GRM7: variants seen among roughly 807,000 people sequenced by gnomAD.
GRM7 encodes the protein metabotropic glutamate receptor 7.
In GRM7, 35 loss-of-function variants were observed where a neutral mutation model predicts 84.5. The ratio of observed to expected loss-of-function variants is 0.41; its 90% CI spans 0.32 to 0.55. The LOEUF (loss-of-function observed/expected upper bound fraction) is 0.55, where lower values mean the gene tolerates loss of function less well. GRM7 is among the 20% of genes least tolerant of loss of function. The pLI is 0.19. For missense variants in GRM7, 1,003 were observed against 1,194.6 expected (o/e 0.84, Z 2.36); for synonymous variants, 487 against 455.1 (o/e 1.07, Z -0.89).
chr3:7,604,043 C>A (rs1696446292), intron 8 of GRM7, among the ~76,000 whole-genome samples: 1 of 151,212 alleles, frequency 6.6e-6, no homozygotes, highest in East Asian at 1.9e-4. Context: ...ACTTATTTTT[C>A]ATTACTGTAA....
chr3:7,652,960 A>G (rs1699013857), intron 8 of GRM7, among the ~76,000 whole-genome samples: 1 of 151,948 alleles, frequency 6.6e-6, no homozygotes, highest in Non-Finnish European at 1.5e-5. Flanking sequence ...TTCAGGCTGA[A>G]CTCACCATCC....
chr3:7,290,521 T>C (rs754481859), intron 2 of GRM7, among the ~76,000 whole-genome samples: 3 of 152,176 alleles, frequency 2.0e-5, no homozygotes, highest in Admixed American at 6.5e-5. Flanking sequence ...GGCTGAAAGA[T>C]ATGATGGATT....
At chr3:7,731,481 C>G (rs1490212084) in intron 9 of GRM7, among the ~76,000 whole-genome samples, 2 of 152,218 alleles carry the variant, frequency 1.3e-5, no homozygotes, top group Non-Finnish European at 2.9e-5. Context: ...CAACCCCCAT[C>G]TTGTCTTTCC....
rs558302619 is a variant in GRM7, at chr3:7,569,825, C to A, written c.1516-8597C>A. Among the ~76,000 whole-genome samples the A allele has an allele frequency of 9.8e-4, 149 of 152,244 alleles. 2 individuals carry two copies. The South Asian group carries it at 0.029, about 30-fold the overall frequency. On this transcript the variant is annotated intron_variant, in intron 7 of 9. Transcript: ENST00000357716. The stretch of plus-strand genomic sequence containing the variant: ...TGAGCCCGTGAGACCACAAACCCCA[C>A]CAGAAGGAAGAAACTCTGAACACAT...
At chr3:7,168,675 T>C (rs1449951284) in intron 2 of GRM7, among the ~76,000 whole-genome samples, 1 of 152,198 alleles carries the variant, frequency 6.6e-6, no homozygotes, top group African/African-American at 2.4e-5. Context: ...TTCCTGTTAA[T>C]ATAATCTAAA....
intron 5 of GRM7, among the ~76,000 whole-genome samples, chr3:7,447,741 A>G (rs1168242829): frequency 6.8e-6 from 1 of 147,934 alleles, no homozygotes; most frequent in Non-Finnish European, 1.5e-5. Context: ...TTTTTTTAAT[A>G]TTTATTTTAT....
intron 8 of GRM7, among the ~76,000 whole-genome samples, chr3:7,617,905 G>A (rs1163789830): frequency 1.3e-5 from 2 of 152,038 alleles, no homozygotes; most frequent in Admixed American, 6.6e-5. Flanking sequence ...GTGGAGGAAG[G>A]GGCTGCAAAT....
chr3:7,166,289 A>T (rs1338413066), intron 2 of GRM7, among the ~76,000 whole-genome samples: 2 of 152,138 alleles, frequency 1.3e-5, no homozygotes, highest in Admixed American at 6.5e-5. Context: ...CTGATCTTAT[A>T]CCTGTAACAT....
At chr3:7,647,644 A>G (rs1698711685) in intron 8 of GRM7, among the ~76,000 whole-genome samples, 1 of 152,180 alleles carries the variant, frequency 6.6e-6, no homozygotes, top group African/African-American at 2.4e-5. Flanking sequence ...AAGAGTAATA[A>G]TAGAGACCAC....
intron 7 of GRM7, among the ~76,000 whole-genome samples, chr3:7,549,764 G>A (rs964254862): frequency 1.3e-5 from 2 of 152,178 alleles, no homozygotes; most frequent in Admixed American, 6.5e-5. Context: ...TTTTGAAATC[G>A]CTTGTGAAAA....
chr3:7,463,222 C>A (rs1421281464), intron 7 of GRM7, among the ~76,000 whole-genome samples: 1 of 152,172 alleles, frequency 6.6e-6, no homozygotes, highest in Non-Finnish European at 1.5e-5. Context: ...ATAAACCCTG[C>A]ACTCTTGTTA....
At chr3:6,880,822 G>C (rs1463062842) in intron 1 of GRM7, among the ~76,000 whole-genome samples, 1 of 152,164 alleles carries the variant, frequency 6.6e-6, no homozygotes, top group African/African-American at 2.4e-5. Context: ...GAAGCTTGGA[G>C]AACTTCCCTT....
At chr3:7,502,005 G>A (rs1699899182) in intron 7 of GRM7, among the ~76,000 whole-genome samples, 1 of 152,132 alleles carries the variant, frequency 6.6e-6, no homozygotes, top group Non-Finnish European at 1.5e-5. Flanking sequence ...TTTTCACTTT[G>A]TAAAAAAAGT....
intron 1 of GRM7, among the ~76,000 whole-genome samples, chr3:6,906,992 C>A (rs1696602284): frequency 6.6e-6 from 1 of 152,206 alleles, no homozygotes; most frequent in East Asian, 1.9e-4. Flanking sequence ...TCAACACCTC[C>A]CAATATTCCC....
rs961164876 is a variant in GRM7 at position 7,240,922 on chromosome 3, G to A, written c.737-57762G>A. Among the ~76,000 whole-genome samples the A allele has an allele frequency of 3.3e-5, 5 of 152,102 alleles. No individual in the cohort carries two copies. The South Asian group carries it at 8.3e-4, about 25-fold the overall frequency. ...GTGTTTTAATTGCCTACAGTATTCG[G>A]GACAGTAATATGCTGTACAGGTTTG... On this transcript the variant is annotated intron_variant, in intron 2 of 9. Transcript: ENST00000357716.
chr3:7,145,878 G>A (rs751537745), intron 1 of GRM7, among the ~76,000 whole-genome samples: 2 of 152,170 alleles, frequency 1.3e-5, no homozygotes, highest in Non-Finnish European at 2.9e-5. Flanking sequence ...TGCCAAGGGG[G>A]TGGGGAATTT....
chr3:6,869,839 G>A (rs1345567370), intron 1 of GRM7, among the ~76,000 whole-genome samples: 1 of 152,142 alleles, frequency 6.6e-6, no homozygotes, highest in Non-Finnish European at 1.5e-5. Context: ...TTCCATTGTG[G>A]ACCCTTTCTA....
chr3:7,728,580 T>C (rs563418077), intron 9 of GRM7, among the ~76,000 whole-genome samples: 1 of 152,296 alleles, frequency 6.6e-6, no homozygotes, highest in East Asian at 1.9e-4. Context: ...CAACCCAAGA[T>C]GGGTCCCAAG....
intron 9 of GRM7, among the ~76,000 whole-genome samples, chr3:7,737,123 G>GA (rs1702529387): frequency 6.6e-6 from 1 of 152,114 alleles, no homozygotes; most frequent in African/African-American, 2.4e-5. Flanking sequence ...AAAGCTCAGA[G>GA]AAAAGCAAAG....
Sources: allele counts gnomAD v4.1 joint callset (sites outside exome capture counted in the v4.1 genomes callset), GRCh38; gene constraint gnomAD v4.1.1; transcripts MANE v1.5; gene names NCBI Gene and HGNC (gene_info 2026-07-23, HGNC 2026-07-21).